The following TSGA10 variants were observed in gnomAD, a reference collection of about 807,000 sequenced individuals.
The protein encoded by TSGA10 is testis specific 10, also known as testis-specific gene 10 protein.
In TSGA10, 43 loss-of-function variants were observed where a neutral mutation model predicts 96.6. That is an observed-to-expected ratio of 0.44 (90% CI 0.35 to 0.57). TSGA10 has a LOEUF of 0.57. TSGA10 is among the 20% of genes least tolerant of loss of function. The probability of loss-of-function intolerance (pLI) is 0.01; values close to 1 mark genes in which losing one functional copy is unlikely to be tolerated. For missense variants in TSGA10, 703 were observed against 834.4 expected (o/e 0.84, Z 1.94); for synonymous variants, 229 against 269.9 (o/e 0.85, Z 1.48).
chr2:99,101,870 T>C, intron 10 of TSGA10: 1 of 554,524 alleles, frequency 1.8e-6, no homozygotes, highest in Non-Finnish European at 3.3e-6. Context: ...AAATGGTAGT[T>C]GCCAAGGATT....
At chr2:99,005,420 A>G (rs1199349738) in intron 20 of TSGA10, among the ~76,000 whole-genome samples, 1 of 152,234 alleles carries the variant, frequency 6.6e-6, no homozygotes, top group African/African-American at 2.4e-5. Context: ...AATCTCCTTA[A>G]GCTGATAGGC....
chr2:99,065,088 T>C lies in TSGA10; in HGVS notation c.1255A>G (p.Lys419Glu). Residue 419 changes from lysine (K) to glutamate (E), a missense_variant, in exon 16 of 21, where the codon AAA becomes GAA. By Grantham distance (56) the Lys-to-Glu change is moderately conservative. This residue lies in a region of TSGA10 where 585 missense variants were observed against 656.8 expected (regional missense o/e 0.89). Coordinates refer to ENST00000393483, the MANE Select transcript of TSGA10 (RefSeq NM_025244.4). ...CAGTTTTCAGCATCTTCATTGGCTT[T>C]TCGAAGTTGTTCCATCATTTGCCGG... ...ENRQMMEQLR[K>E]ANEDAENWEN... 6.2e-7 allele frequency: 1 copy of C among 1,612,952 alleles called. No homozygotes were observed.
At chr2:99,033,505 CTCTA>C (rs1279364660) in intron 17 of TSGA10, among the ~76,000 whole-genome samples, 1 of 152,196 alleles carries the variant, frequency 6.6e-6, no homozygotes, top group Non-Finnish European at 1.5e-5. Flanking sequence ...GCTCAACAAA[CTCTA>C]TCTGTCACTT....
chr2:99,108,349 A>C (rs1279504344), intron 7 of TSGA10, among the ~76,000 whole-genome samples: 1 of 152,120 alleles, frequency 6.6e-6, no homozygotes, highest in Non-Finnish European at 1.5e-5. Context: ...TATAGGATTT[A>C]ATACTTGTTG....
chr2:99,102,127 G>T lies in TSGA10; in HGVS notation c.611+1840C>A. On this transcript the variant is annotated intron_variant, in intron 10 of 20. Coordinates refer to ENST00000393483, the MANE Select transcript of TSGA10 (RefSeq NM_025244.4). ...AAGCGACAAGAAGAGTTAGATAGGG[G>T]TTACAAATCGATCATGGAGCTGATG... The T allele has an allele frequency of 2.1e-6, 3 of 1,458,334 alleles. No individual in the cohort carries two copies. The Admixed American group carries it at 5.0e-5, about 24-fold the overall frequency. The allele number at this position is 1,458,334 out of a possible 1,614,324, so 90.3% of individuals were successfully genotyped here.
At chr2:98,998,689 A>AT (rs2077640164) in intron 20 of TSGA10, among the ~76,000 whole-genome samples, 1 of 152,054 alleles carries the variant, frequency 6.6e-6, no homozygotes, top group Admixed American at 6.6e-5. Context: ...GATTGTAAAA[A>AT]ATATATATAT....
At chr2:99,061,926 C>T (rs2084738750) in intron 16 of TSGA10, among the ~76,000 whole-genome samples, 2 of 152,130 alleles carry the variant, frequency 1.3e-5, no homozygotes, top group South Asian at 4.1e-4. Flanking sequence ...TGTGCATGCA[C>T]AGAAGAAAGG....
intron 20 of TSGA10, among the ~76,000 whole-genome samples, chr2:99,003,010 C>G: frequency 6.6e-6 from 1 of 152,234 alleles, no homozygotes; most frequent in Middle Eastern, 3.4e-3. Context: ...AGGCAAGTGC[C>G]ACCATGCCCG....
chr2:99,144,324 G>A (rs1053401649), intron 1 of TSGA10, among the ~76,000 whole-genome samples: 4 of 151,828 alleles, frequency 2.6e-5, no homozygotes, highest in African/African-American at 9.7e-5. Flanking sequence ...CCCGGCCTGT[G>A]TTCCGTTTTT....
chr2:99,125,809 C>T (rs767025839), intron 2 of TSGA10: 2 of 152,202 alleles, frequency 1.3e-5, no homozygotes, highest in Non-Finnish European at 2.9e-5. Context: ...CCCCACTAGG[C>T]CTCTGCCATT....
At chr2:99,052,256 G>A (rs936637938) in intron 16 of TSGA10, among the ~76,000 whole-genome samples, 5 of 151,744 alleles carry the variant, frequency 3.3e-5, no homozygotes, top group Non-Finnish European at 5.9e-5. Flanking sequence ...AAAAAAAGAA[G>A]TCTCAAATAT....
At chr2:99,016,986 A>C (rs2079564397) in intron 20 of TSGA10, among the ~76,000 whole-genome samples, 1 of 152,228 alleles carries the variant, frequency 6.6e-6, no homozygotes, top group South Asian at 2.1e-4. Flanking sequence ...GCCATAATTA[A>C]AAAATCAAAA....
Position 99,105,505 on chromosome 2 carries a change from C to T in TSGA10, c.381+22G>A, listed in dbSNP as rs1179646070. On this transcript the variant is annotated intron_variant, in intron 8 of 20. Coordinates refer to ENST00000393483, the MANE Select transcript of TSGA10 (RefSeq NM_025244.4). ...TGAATTTGTGTTTCACATATATTCACGTAAATAAAATCCTTTCCAACCTTT... is the reference window on the plus strand; with the variant it reads ...TGAATTTGTGTTTCACATATATTCATGTAAATAAAATCCTTTCCAACCTTT... The T allele has an allele frequency of 7.4e-6, 12 of 1,613,586 alleles. 1 individual carries two copies. The highest frequency in any genetic ancestry group is 2.7e-5 in the African/African-American group (2 of 74,860).
chr2:99,138,108 T>C (rs1182482444), intron 1 of TSGA10, among the ~76,000 whole-genome samples: 1 of 152,212 alleles, frequency 6.6e-6, no homozygotes, highest in Non-Finnish European at 1.5e-5. Context: ...TATTTCATTA[T>C]AGCAGCCTGA....
intron 20 of TSGA10, 105 bp from the exon 21 acceptor site, chr2:98,998,326 T>G (rs957601215): frequency 1.1e-6 from 1 of 917,226 alleles, no homozygotes; most frequent in African/African-American, 1.7e-5. Context: ...AACGTAAGAT[T>G]TTTCTTCATT....
chr2:99,076,464 A>T (rs2086709410), intron 12 of TSGA10, among the ~76,000 whole-genome samples: 1 of 152,068 alleles, frequency 6.6e-6, no homozygotes, highest in Admixed American at 6.6e-5. Context: ...ATGATGATAG[A>T]TCTCACACTC....
intron 10 of TSGA10, among the ~76,000 whole-genome samples, chr2:99,095,308 C>T (rs549066984): frequency 1.3e-3 from 198 of 151,814 alleles, no homozygotes; most frequent in African/African-American, 4.5e-3. Flanking sequence ...GTATACTGCT[C>T]GGGCTATGGG....
At chr2:99,069,343 G>A (rs2104496272) in intron 14 of TSGA10, among the ~76,000 whole-genome samples, 1 of 152,170 alleles carries the variant, frequency 6.6e-6, no homozygotes, top group South Asian at 2.1e-4. Context: ...TGTACTACTG[G>A]AGTAAATGTA....
At chr2:99,031,946 T>C (rs560644797) in intron 17 of TSGA10, among the ~76,000 whole-genome samples, 3 of 152,346 alleles carry the variant, frequency 2.0e-5, no homozygotes, top group South Asian at 2.1e-4. Flanking sequence ...TAGATTAACA[T>C]TAGCAGAGAG....
Sources: gnomAD v4.1 joint callset for allele counts (sites outside exome capture counted in the v4.1 genomes callset) on GRCh38, gnomAD v4.1.1 for gene constraint, gnomAD v4.1.1 regional missense constraint, MANE v1.5 for transcripts, NCBI Gene and HGNC (gene_info 2026-07-23, HGNC 2026-07-21) for gene names.